The following EQTN variants were observed in gnomAD, a reference collection of about 807,000 sequenced individuals.
EQTN encodes equatorin.
A neutral mutation model predicts 26.9 loss-of-function variants in EQTN; 29 were observed. The ratio of observed to expected loss-of-function variants is 1.08; its 90% CI spans 0.80 to 1.47. The LOEUF (loss-of-function observed/expected upper bound fraction) is 1.47, where lower values mean the gene tolerates loss of function less well. Ranked by LOEUF, EQTN falls within the 40% of genes most tolerant of loss-of-function variation. The pLI, the probability that EQTN is intolerant of heterozygous loss-of-function variation, is 0.00. For missense variants in EQTN, 391 were observed against 346.1 expected (o/e 1.13, Z -1.03); for synonymous variants, 129 against 120.0 (o/e 1.07, Z -0.49).
At position 27,297,079 on chromosome 9, in the gene EQTN, A is replaced by G. The variant is rs1820360264; in HGVS notation, c.-24T>C. 6.5e-7 allele frequency: 1 copy of G among 1,543,512 alleles called. No individual in the cohort carries two copies. Among genetic ancestry groups the G allele is most frequent in the Non-Finnish European group, 8.9e-7 (1 of 1,121,732 alleles). On this transcript the variant is annotated 5_prime_UTR_variant, in exon 1 of 8. Transcript: ENST00000380032. ...ATTGGGAAATTGAAGTGATTTATCC[A>G]GTAATCTAGTGCGTCTACCCAGAGC... is the stretch of plus-strand genomic sequence containing the variant.
chr9:27,289,764 C>T (rs778756398), intron 5 of EQTN, 33 bp from the exon 6 acceptor site: 66 of 1,554,290 alleles, frequency 4.2e-5, no homozygotes, highest in Admixed American at 2.4e-4. Context: ...TGGTAAACAA[C>T]GTTCACTTAC....
At chr9:27,296,566 G>T (rs1199763360) in intron 2 of EQTN, 47 bp downstream of exon 2, 1 of 1,290,204 alleles carries the variant, frequency 7.8e-7, no homozygotes, top group South Asian at 1.4e-5. Flanking sequence ...GTGAAACCAG[G>T]ATAATCAACT....
At position 27,295,690 on chromosome 9, in the gene EQTN, G is replaced by T. The variant is rs569527880; in HGVS notation, c.202+923C>A. Among the ~76,000 whole-genome samples, 6 of 152,026 alleles carry T rather than the reference G, an allele frequency of 3.9e-5. No individual in the cohort carries two copies. The South Asian group carries it at 1.2e-3, about 32-fold the overall frequency. ...TACTAAAAATACAAAAAATTAGCCG[G>T]GCGTGGTGGCGGGCGCCTGTAGTCC... On this transcript the variant is annotated intron_variant, in intron 2 of 7. Transcript: ENST00000380032.
chr9:27,289,705 C>T lies in EQTN; in HGVS notation c.448G>A (p.Asp150Asn), dbSNP rs1159575142. Residue 150 changes from aspartate (D) to asparagine (N), a missense_variant, in exon 6 of 8, where the codon GAT (aspartate) becomes AAT (asparagine). Physicochemically the swap from Asp to Asn is conservative, Grantham distance 23. Coordinates refer to ENST00000380032, the MANE Select transcript of EQTN (RefSeq NM_020641.3). ...KAINGTAVVM[D>N]DKDQLFHPIP... The stretch of plus-strand genomic sequence containing the variant: ...GGGTGAAATAATTGATCTTTATCAT[C>T]CATGACCACTGCTGTTCCATTTATA... 5 of 1,607,798 alleles carry T rather than the reference C, an allele frequency of 3.1e-6. No individual in the cohort carries two copies. The highest frequency in any genetic ancestry group is 3.4e-6 in the Non-Finnish European group (4 of 1,176,874).
chr9:27,294,207 G>C (rs1352006121), intron 3 of EQTN, 109 bp downstream of exon 3: 7 of 657,570 alleles, frequency 1.1e-5, no homozygotes, highest in Non-Finnish European at 1.8e-5. Flanking sequence ...GAAAATGTTA[G>C]TCTTATTTAG....
intron 2 of EQTN, among the ~76,000 whole-genome samples, chr9:27,294,866 T>C (rs1169057296): frequency 6.6e-6 from 1 of 152,226 alleles, no homozygotes; most frequent in Non-Finnish European, 1.5e-5. Context: ...AATTTACACA[T>C]GCACATAAAG....
chr9:27,286,662 A>G (rs541537598), intron 6 of EQTN, among the ~76,000 whole-genome samples: 2 of 152,242 alleles, frequency 1.3e-5, no homozygotes, highest in Non-Finnish European at 2.9e-5. Context: ...GCTGGTTGCA[A>G]ATCCGGGTTA....
chr9:27,293,968 G>T (rs1414527303), intron 3 of EQTN, among the ~76,000 whole-genome samples: 1 of 152,170 alleles, frequency 6.6e-6, no homozygotes, highest in African/African-American at 2.4e-5. Flanking sequence ...GTGGGTTTAA[G>T]AAAGATGTAA....
intron 7 of EQTN, among the ~76,000 whole-genome samples, chr9:27,285,916 C>A (rs1308242775): frequency 6.6e-6 from 1 of 152,140 alleles, no homozygotes; most frequent in African/African-American, 2.4e-5. Context: ...CTATTCAGAA[C>A]AAAATATATT....
At chr9:27,294,486 A>C in intron 2 of EQTN, 84 bp from the exon 3 acceptor site, 2 of 732,348 alleles carry the variant, frequency 2.7e-6, no homozygotes, top group Non-Finnish European at 4.3e-6. Flanking sequence ...TTTTTTTCTT[A>C]AAACATGCAC....
Position 27,296,725 on chromosome 9 carries a change from C to T in EQTN, c.90G>A (p.Val30=). The T allele has an allele frequency of 1.2e-6, 2 of 1,606,096 alleles. No homozygotes were observed. The highest frequency in any genetic ancestry group is 1.7e-6 in the Non-Finnish European group (2 of 1,178,078). Residue 30 remains valine, a synonymous_variant, in exon 2 of 8, where the codon GTG becomes GTA. Transcript: ENST00000380032. ...TATTAACATCTTCATTTAAAGGTAG[C>T]ACATTAGGCAATGCTAAAAAAAAGT... The part of the protein sequence containing the change: ...LKPTIEALPN[V]LPLNEDVNKQ...
At chr9:27,294,527 C>A (rs1056368534) in intron 2 of EQTN, 125 bp from the exon 3 acceptor site, 11 of 432,350 alleles carry the variant, frequency 2.5e-5, no homozygotes, top group African/African-American at 7.2e-5. Flanking sequence ...AAGTTATAGT[C>A]ATTTTTTTTT....
intron 3 of EQTN, among the ~76,000 whole-genome samples, chr9:27,293,659 G>C (rs1820281229): frequency 6.6e-6 from 1 of 152,150 alleles, no homozygotes; most frequent in Non-Finnish European, 1.5e-5. Flanking sequence ...GAGGTAGCTG[G>C]TACACTTAAG....
At chr9:27,286,396 T>C (rs1050047407) in intron 6 of EQTN, 34 bp from the exon 7 acceptor site, 3 of 1,551,010 alleles carry the variant, frequency 1.9e-6, no homozygotes, top group Non-Finnish European at 1.7e-6. Context: ...GAAAATAGGG[T>C]GTTCAGTGTG....
At chr9:27,291,282 A>G (rs572562945) in intron 4 of EQTN, among the ~76,000 whole-genome samples, 13 of 152,320 alleles carry the variant, frequency 8.5e-5, no homozygotes, top group African/African-American at 3.1e-4. Flanking sequence ...GACAAGAATC[A>G]TTGCTGCTTA....
chr9:27,292,608 C>T (rs1417145740), intron 3 of EQTN, 121 bp from the exon 4 acceptor site: 7 of 541,090 alleles, frequency 1.3e-5, no homozygotes, highest in Middle Eastern at 4.1e-4. Context: ...AGAGAAGAAA[C>T]GGAAGAGAAA....
chr9:27,294,475 G>A, intron 2 of EQTN, 73 bp from the exon 3 acceptor site: 2 of 857,122 alleles, frequency 2.3e-6, no homozygotes, highest in East Asian at 2.8e-5. Flanking sequence ...CTTCCTCTGA[G>A]TTTTTTTCTT....
At chr9:27,291,177 C>T (rs999799803) in intron 4 of EQTN, 114 bp from the exon 5 acceptor site, 1 of 897,532 alleles carries the variant, frequency 1.1e-6, no homozygotes, top group African/African-American at 1.8e-5. Flanking sequence ...ACTTTGAGCT[C>T]CTATAATGTG....
intron 6 of EQTN, among the ~76,000 whole-genome samples, chr9:27,289,034 A>G (rs975368755): frequency 2.0e-5 from 3 of 152,238 alleles, no homozygotes; most frequent in African/African-American, 4.8e-5. Context: ...AATCACTATT[A>G]TTGGTTCATA....
Sources: gnomAD v4.1 joint callset for allele counts (sites outside exome capture counted in the v4.1 genomes callset) on GRCh38, gnomAD v4.1.1 for gene constraint, MANE v1.5 for transcripts, NCBI Gene and HGNC (gene_info 2026-07-23, HGNC 2026-07-21) for gene names.